The following IFFO2 variants were observed in gnomAD, a reference collection of about 807,000 sequenced individuals.
The protein encoded by IFFO2 is intermediate filament family orphan 2.
Under a neutral mutation model 53.5 loss-of-function variants are expected in IFFO2, and 19 were observed. The ratio of observed to expected loss-of-function variants is 0.36; its 90% CI spans 0.25 to 0.52. The LOEUF is 0.52. IFFO2 is among the 20% of genes least tolerant of loss of function. IFFO2 has a pLI of 0.94. For missense variants in IFFO2, 570 were observed against 727.4 expected (o/e 0.78, Z 2.49); for synonymous variants, 303 against 313.6 (o/e 0.97, Z 0.36).
chr1:18,937,253 G>A (rs1936461551), intron 1 of IFFO2, among the ~76,000 whole-genome samples: 1 of 152,214 alleles, frequency 6.6e-6, no homozygotes, highest in African/African-American at 2.4e-5. Flanking sequence ...CAGGGCAACG[G>A]TCACCTGTCT....
chr1:18,950,912 T>TA (rs1291837101), intron 1 of IFFO2, among the ~76,000 whole-genome samples: 1 of 152,106 alleles, frequency 6.6e-6, no homozygotes, highest in South Asian at 2.1e-4. Flanking sequence ...AGTGGCTTTT[T>TA]AAAAAAATGT....
At chr1:18,914,574 C>T (rs67547820) in intron 5 of IFFO2, among the ~76,000 whole-genome samples, 12,288 of 151,918 alleles carry the variant, frequency 0.081, 658 homozygotes, top group East Asian at 0.18. Flanking sequence ...TCCAGGACTT[C>T]GGGAGGCCAA....
chr1:18,945,832 G>A (rs751743155), intron 1 of IFFO2, among the ~76,000 whole-genome samples: 6 of 152,330 alleles, frequency 3.9e-5, no homozygotes, highest in Admixed American at 2.6e-4. Context: ...CACCATCATC[G>A]CACTTGCCAT....
intron 5 of IFFO2, among the ~76,000 whole-genome samples, chr1:18,913,948 C>T (rs1010904133): frequency 6.6e-6 from 1 of 152,198 alleles, no homozygotes. Context: ...TCTCCTGCCT[C>T]AGCCTCCTGC....
intron 1 of IFFO2, among the ~76,000 whole-genome samples, chr1:18,939,352 C>T: frequency 6.6e-6 from 1 of 152,234 alleles, no homozygotes; most frequent in East Asian, 1.9e-4. Context: ...TATCAAGCCC[C>T]CTGCCCAAAC....
Position 18,956,593 on chromosome 1 carries a change from G to C in IFFO2, c.-261C>G, listed in dbSNP as rs1936732937. ...CGCGGTATCTGCGCGGGGCCAGAAG[G>C]GTCGCGGGTCTCACCGCCCGGGCTG... On this transcript the variant is annotated 5_prime_UTR_variant, in exon 1 of 9. Transcript: ENST00000455833. This position sits in a 1 kb window ranked among gnomAD's most constrained non-coding sequence, Gnocchi z 6.4. 1 of 154,136 alleles carries C rather than the reference G, an allele frequency of 6.5e-6. No homozygotes were observed. Among genetic ancestry groups the C allele is most frequent in the Admixed American group, 6.5e-5 (1 of 15,358 alleles). The allele number at this position is 154,136 out of a possible 1,614,324, so 9.5% of individuals were successfully genotyped here.
intron 1 of IFFO2, among the ~76,000 whole-genome samples, chr1:18,922,902 T>C (rs190849569): frequency 4.7e-5 from 7 of 149,912 alleles, no homozygotes; most frequent in Admixed American, 1.3e-4. Flanking sequence ...AGGCCCCATG[T>C]TGGGGACAGG....
At chr1:18,955,316 C>T (rs750363898) in intron 1 of IFFO2, among the ~76,000 whole-genome samples, 7 of 152,202 alleles carry the variant, frequency 4.6e-5, no homozygotes, top group Non-Finnish European at 8.8e-5. Context: ...TTCTGCACCT[C>T]GGTTTCCTCA....
At position 18,954,848 on chromosome 1, in the gene IFFO2, A is replaced by C. The variant is rs1267548750; in HGVS notation, c.665+820T>G. The stretch of plus-strand genomic sequence containing the variant: ...AGAGATTGTGGTCTCAGTCCATTCA[A>C]TGTCCAGTCTCCAGCCCAACATTAT... On this transcript the variant is annotated intron_variant, in intron 1 of 8. Coordinates refer to ENST00000455833, the MANE Select transcript of IFFO2 (RefSeq NM_001136265.2). Among the ~76,000 whole-genome samples, 4 of 152,332 alleles carry C rather than the reference A, an allele frequency of 2.6e-5. 1 individual carries two copies. The South Asian group carries it at 8.3e-4, about 32-fold the overall frequency.
intron 1 of IFFO2, among the ~76,000 whole-genome samples, chr1:18,935,693 C>T (rs992862684): frequency 1.5e-5 from 2 of 131,762 alleles, no homozygotes; most frequent in African/African-American, 6.9e-5. Flanking sequence ...TCTCTCTCTC[C>T]TTCTGTCTTT....
chr1:18,911,916 C>T, intron 6 of IFFO2, 47 bp downstream of exon 6: 1 of 1,548,114 alleles, frequency 6.5e-7, no homozygotes, highest in African/African-American at 1.4e-5. Flanking sequence ...GGCGGTGTCC[C>T]CCAGACCCCT....
Position 18,926,058 on chromosome 1 carries a change from T to TTGGATGGA in IFFO2, c.666-4945_666-4938dup, listed in dbSNP as rs1197590902. 1.2e-4 allele frequency among the ~76,000 whole-genome samples: 6 copies of TTGGATGGA among 48,258 alleles called. 1 individual carries two copies. Among genetic ancestry groups the TTGGATGGA allele is most frequent in the East Asian group, 7.1e-4 (1 of 1,410 alleles). The allele number at this position is 48,258 out of a possible 152,430, so 31.7% of individuals were successfully genotyped here. A position where few individuals can be genotyped will look rare whatever the true frequency, so the allele number is the denominator to read the frequency against. On this transcript the variant is annotated intron_variant, in intron 1 of 8. Transcript: ENST00000455833. The stretch of plus-strand genomic sequence containing the variant: ...ATGGATGGATGGATGGATGGATTGG[T>TTGGATGGA]TGGATGGATGGATGGATGGATGGAT...
At chr1:18,938,292 A>G (rs1200663028) in intron 1 of IFFO2, among the ~76,000 whole-genome samples, 2 of 152,212 alleles carry the variant, frequency 1.3e-5, no homozygotes, top group Non-Finnish European at 2.9e-5. Context: ...ACCAGTGCCT[A>G]ACATTATTTT....
At chr1:18,937,109 CTA>C (rs1339431451) in intron 1 of IFFO2, among the ~76,000 whole-genome samples, 1 of 152,192 alleles carries the variant, frequency 6.6e-6, no homozygotes. Context: ...ACTCCAGAGA[CTA>C]GGAGCTGCCT....
rs187295686 is a variant in IFFO2 at position 18,928,595 on chromosome 1, G to A, written c.666-7474C>T. On this transcript the variant is annotated intron_variant, in intron 1 of 8. Transcript: ENST00000455833. The surrounding 1 kb of genome is among the most constrained non-coding windows in gnomAD (Gnocchi z 4.9). ...GGCAGCCTCCTCCAGGGATCCCAGC[G>A]TGCCAGGTCTGCGCAAGGCTGCTCA... 3.6e-4 allele frequency among the ~76,000 whole-genome samples: 55 copies of A among 152,294 alleles called. 1 individual carries two copies. The highest frequency in any genetic ancestry group is 5.9e-4 in the Admixed American group (9 of 15,304).
Position 18,947,248 on chromosome 1 carries a change from G to A in IFFO2, c.665+8420C>T, listed in dbSNP as rs1035501085. Among the ~76,000 whole-genome samples the A allele has an allele frequency of 7.9e-5, 12 of 152,214 alleles. No individual in the cohort carries two copies. The highest frequency in any genetic ancestry group is 1.2e-4 in the African/African-American group (5 of 41,454). On this transcript the variant is annotated intron_variant, in intron 1 of 8. Transcript: ENST00000455833. This position sits in a 1 kb window ranked among gnomAD's most constrained non-coding sequence, Gnocchi z 5.0. ...AGCTAGGGATACTCCAGCCCAGGGC[G>A]GAGGCGAGCTCCCAAACAGCCACCA... is the stretch of plus-strand genomic sequence containing the variant.
chr1:18,927,824 GC>G (rs2148175550), intron 1 of IFFO2, among the ~76,000 whole-genome samples: 1 of 152,344 alleles, frequency 6.6e-6, no homozygotes, highest in African/African-American at 2.4e-5. Context: ...AGGGCTGCGT[GC>G]CCCCAACAGC....
At chr1:18,941,347 G>C (rs6679392) in intron 1 of IFFO2, among the ~76,000 whole-genome samples, 130 of 152,334 alleles carry the variant, frequency 8.5e-4, no homozygotes, top group African/African-American at 2.7e-3. Context: ...TCCCACCTTG[G>C]GGGGTGATGT....
At chr1:18,913,007 T>G (rs1442456116) in intron 5 of IFFO2, among the ~76,000 whole-genome samples, 1 of 151,912 alleles carries the variant, frequency 6.6e-6, no homozygotes, top group Non-Finnish European at 1.5e-5. Flanking sequence ...TCTGTAGGAG[T>G]GAAATCACTT....
Sources: gnomAD v4.1 joint callset for allele counts (sites outside exome capture counted in the v4.1 genomes callset) on GRCh38, gnomAD v4.1.1 for gene constraint, Gnocchi (gnomAD v3.1) non-coding constraint, MANE v1.5 for transcripts, NCBI Gene and HGNC (gene_info 2026-07-23, HGNC 2026-07-21) for gene names.